Variants in ZNF292 observed in about 807,000 individuals in gnomAD.
ZNF292 encodes zinc finger protein 292.
ZNF292 carries 26 observed loss-of-function variants against 217.9 expected under a neutral mutation model. That is an observed-to-expected ratio of 0.12 (90% CI 0.09 to 0.17). The LOEUF is 0.17. ZNF292 is among the 10% of genes least tolerant of loss of function. The probability of loss-of-function intolerance (pLI) is 1.00; values close to 1 mark genes in which losing one functional copy is unlikely to be tolerated. For missense variants in ZNF292, 2,904 were observed against 3,175.2 expected, an observed-to-expected ratio of 0.91 and a Z score of 2.05; for synonymous variants, 1,257 against 1,124.1, an observed-to-expected ratio of 1.12 and a Z score of -2.37.
intron 7 of ZNF292, among the ~76,000 whole-genome samples, chr6:87,250,785 T>C (rs1774882005): frequency 6.6e-6 from 1 of 152,200 alleles, no homozygotes; most frequent in Admixed American, 6.5e-5. Flanking sequence ...CTTGGGATCT[T>C]TTTATTTATA....
At chr6:87,226,653 AT>A (rs1298851323) in intron 4 of ZNF292, among the ~76,000 whole-genome samples, 1 of 98,336 alleles carries the variant, frequency 1.0e-5, no homozygotes, top group Non-Finnish European at 1.9e-5. Context: ...ATATCTATAT[AT>A]ATATAGATAT....
intron 5 of ZNF292, among the ~76,000 whole-genome samples, chr6:87,239,639 G>T (rs1774138253): frequency 7.1e-6 from 1 of 140,442 alleles, no homozygotes; most frequent in African/African-American, 2.9e-5. Context: ...AGACGGGGCG[G>T]CTGCCGGGCG....
chr6:87,161,900 T>C (rs1320577542), intron 1 of ZNF292, among the ~76,000 whole-genome samples: 2 of 152,230 alleles, frequency 1.3e-5, no homozygotes, highest in Non-Finnish European at 2.9e-5. Flanking sequence ...ACTAGTTTGC[T>C]CTTTTTAAGA....
intron 1 of ZNF292, among the ~76,000 whole-genome samples, chr6:87,189,261 A>G (rs982102344): frequency 2.6e-5 from 4 of 151,966 alleles, no homozygotes; most frequent in Non-Finnish European, 4.4e-5. Flanking sequence ...TTCAAAATAA[A>G]TTTTTTATTA....
chr6:87,225,486 T>G (rs1773302001), intron 4 of ZNF292, among the ~76,000 whole-genome samples: 1 of 152,148 alleles, frequency 6.6e-6, no homozygotes, highest in Non-Finnish European at 1.5e-5. Context: ...TTCTAGAAAT[T>G]TTATAGTTTC....
chr6:87,180,433 G>C (rs1771439491), intron 1 of ZNF292, among the ~76,000 whole-genome samples: 2 of 88,336 alleles, frequency 2.3e-5, no homozygotes, highest in South Asian at 7.0e-4. Context: ...GCCAAGAGCA[G>C]ACAGACCCTT....
At position 87,155,753 on chromosome 6, in the gene ZNF292, G is replaced by C. The variant is rs749659360; in HGVS notation, c.162G>C (p.Leu54=). 1 of 1,594,644 alleles carries C rather than the reference G, an allele frequency of 6.3e-7. No homozygotes were observed. The highest frequency in any genetic ancestry group is 8.5e-7 in the Non-Finnish European group (1 of 1,171,098). ...VEAATDYCQQ[L]CQTLLEYAEK... is the part of the protein sequence containing the mutation. ...CGGCCACCGACTACTGTCAGCAGCT[G>C]TGCCAGGTGAGGGCGCCCGGTGGTC... is the stretch of plus-strand genomic sequence containing the variant. Residue 54 remains leucine, a synonymous_variant, in exon 1 of 8, where the codon CTG becomes CTC. Transcript: ENST00000369577.
At chr6:87,167,596 G>A (rs748901578) in intron 1 of ZNF292, among the ~76,000 whole-genome samples, 4 of 152,208 alleles carry the variant, frequency 2.6e-5, no homozygotes, top group Non-Finnish European at 5.9e-5. Flanking sequence ...AGCCAAGATC[G>A]TGCCATTGCA....
Position 87,243,500 on chromosome 6 carries a change from C to T in ZNF292, c.767C>T (p.Ala256Val). The T allele has an allele frequency of 6.5e-7, 1 of 1,547,336 alleles. No homozygotes were observed. Among genetic ancestry groups the T allele is most frequent in the Non-Finnish European group, 8.7e-7 (1 of 1,146,998 alleles). ...EEISEVDCKD[A>V]LEMICNLESE... ...ATTTCAGAAGTTGATTGCAAAGATGCACTGGAAATGATCTGTAACTTAGAA... is the reference window on the plus strand; with the variant it reads ...ATTTCAGAAGTTGATTGCAAAGATGTACTGGAAATGATCTGTAACTTAGAA... Residue 256 changes from alanine (A) to valine (V), a missense_variant, in exon 6 of 8, where the codon GCA becomes GTA. This residue lies in a region of ZNF292 where 313 missense variants were observed against 451.0 expected (regional missense o/e 0.69). Transcript: ENST00000369577.
At chr6:87,193,333 T>C (rs1008836456) in intron 1 of ZNF292, among the ~76,000 whole-genome samples, 2 of 152,136 alleles carry the variant, frequency 1.3e-5, no homozygotes, top group Non-Finnish European at 2.9e-5. Context: ...TCGCTTGAGC[T>C]CAGGAGTTTG....
chr6:87,198,030 T>A (rs1441626736), intron 1 of ZNF292, among the ~76,000 whole-genome samples: 1 of 152,162 alleles, frequency 6.6e-6, no homozygotes, highest in Non-Finnish European at 1.5e-5. Flanking sequence ...AGATACTGAT[T>A]GGTATTTTCT....
At chr6:87,193,279 G>A (rs1771868454) in intron 1 of ZNF292, among the ~76,000 whole-genome samples, 2 of 152,200 alleles carry the variant, frequency 1.3e-5, no homozygotes, top group African/African-American at 4.8e-5. Context: ...GGGTATGGTG[G>A]TATTCCTGCA....
At chr6:87,173,742 A>AAC (rs1771187727) in intron 1 of ZNF292, 1 of 152,990 alleles carries the variant, frequency 6.5e-6, no homozygotes, top group Non-Finnish European at 1.5e-5. Context: ...CTTGGGTTGT[A>AAC]AACTAGTGAT....
intron 5 of ZNF292, among the ~76,000 whole-genome samples, chr6:87,235,975 A>G (rs1158656078): frequency 6.6e-6 from 1 of 152,204 alleles, no homozygotes; most frequent in Non-Finnish European, 1.5e-5. Flanking sequence ...ACTTTGTTAA[A>G]AGTCCTTTTT....
intron 1 of ZNF292, among the ~76,000 whole-genome samples, chr6:87,185,027 A>T (rs984896115): frequency 1.3e-5 from 2 of 152,306 alleles, no homozygotes; most frequent in African/African-American, 4.8e-5. Context: ...CTCTGAAAAC[A>T]TCCTCCCAGA....
At chr6:87,202,785 C>G (rs1319336963) in intron 1 of ZNF292, among the ~76,000 whole-genome samples, 1 of 151,840 alleles carries the variant, frequency 6.6e-6, no homozygotes, top group Non-Finnish European at 1.5e-5. Flanking sequence ...TTTTAGTTAC[C>G]CTGGTACAAA....
intron 1 of ZNF292, among the ~76,000 whole-genome samples, chr6:87,200,413 C>T (rs1490428660): frequency 1.3e-5 from 2 of 152,108 alleles, no homozygotes; most frequent in Non-Finnish European, 2.9e-5. Context: ...AGAATTAATT[C>T]AGTGGATGAA....
At chr6:87,162,293 C>A (rs1205643749) in intron 1 of ZNF292, among the ~76,000 whole-genome samples, 2 of 152,130 alleles carry the variant, frequency 1.3e-5, no homozygotes, top group Non-Finnish European at 2.9e-5. Context: ...ATATTTAGGA[C>A]ATTTCTTTGT....
chr6:87,175,279 G>A (rs1771246708), intron 1 of ZNF292, among the ~76,000 whole-genome samples: 1 of 152,032 alleles, frequency 6.6e-6, no homozygotes, highest in Non-Finnish European at 1.5e-5. Flanking sequence ...GAAAGGTATT[G>A]TTTTTATTGC....
Sources: allele counts gnomAD v4.1 joint callset (sites outside exome capture counted in the v4.1 genomes callset), GRCh38; gene constraint gnomAD v4.1.1; regional missense constraint gnomAD v4.1.1; transcripts MANE v1.5; gene names NCBI Gene and HGNC (gene_info 2026-07-23, HGNC 2026-07-21).